Variants in METTL15 observed in about 807,000 individuals in gnomAD.
METTL15 encodes the protein 12S rRNA N(4)-cytidine methyltransferase METTL15.
Under a neutral mutation model 38.3 loss-of-function variants are expected in METTL15, and 34 were observed. The ratio of observed to expected loss-of-function variants is 0.89; its 90% CI spans 0.68 to 1.18. The LOEUF (loss-of-function observed/expected upper bound fraction) is 1.18. Ranked by LOEUF, METTL15 falls within the 50% of genes most tolerant of loss-of-function variation. METTL15 has a pLI of 0.00. For missense variants in METTL15, 438 were observed against 498.4 expected (o/e 0.88, Z 1.15); for synonymous variants, 162 against 170.9 (o/e 0.95, Z 0.41).
At chr11:28,462,093 A>G (rs1851220840) in intron 6 of METTL15, among the ~76,000 whole-genome samples, 1 of 152,126 alleles carries the variant, frequency 6.6e-6, no homozygotes, top group African/African-American at 2.4e-5. Flanking sequence ...TTGTAAGTCA[A>G]AAAGATGTAT....
rs1338571079 is a variant in METTL15 at position 28,287,076 on chromosome 11, C to T, written c.408-3130C>T. On this transcript the variant is annotated intron_variant, in intron 4 of 6. Transcript: ENST00000407364. ...ATATATATGAGTGCATATATATGTA[C>T]ATGCACACACACACACACGTCTCAC... is the stretch of plus-strand genomic sequence containing the variant. Among the ~76,000 whole-genome samples the T allele has an allele frequency of 2.0e-5, 3 of 149,228 alleles. No individual in the cohort carries two copies. In the East Asian group the frequency reaches 6.0e-4, roughly 30 times the overall value.
chr11:28,525,466 C>A (rs536404790), intron 6 of METTL15, among the ~76,000 whole-genome samples: 2 of 151,812 alleles, frequency 1.3e-5, no homozygotes, highest in East Asian at 3.9e-4. Flanking sequence ...GCATTTACAA[C>A]CTTGAGCTAG....
intron 3 of METTL15, among the ~76,000 whole-genome samples, chr11:28,170,738 T>G (rs2133761616): frequency 6.6e-6 from 1 of 152,230 alleles, no homozygotes; most frequent in East Asian, 1.9e-4. Flanking sequence ...CATTATAAAT[T>G]GTGTATAATG....
intron 5 of METTL15, among the ~76,000 whole-genome samples, chr11:28,378,047 T>C (rs1311321995): frequency 1.3e-5 from 2 of 152,122 alleles, no homozygotes; most frequent in Non-Finnish European, 2.9e-5. Flanking sequence ...GGAGAACCAC[T>C]GCTCTCTTCA....
At chr11:28,484,976 C>A (rs1310004308) in intron 6 of METTL15, among the ~76,000 whole-genome samples, 1 of 152,072 alleles carries the variant, frequency 6.6e-6, no homozygotes, top group African/African-American at 2.4e-5. Flanking sequence ...CTCTTCCAGA[C>A]AAATAAAGGG....
chr11:28,349,342 G>C (rs532519326), intron 3 of METTL15, among the ~76,000 whole-genome samples: 3 of 152,172 alleles, frequency 2.0e-5, no homozygotes, highest in African/African-American at 7.2e-5. Context: ...AGCCTCCTCT[G>C]CACAGGTCTG....
intron 4 of METTL15, among the ~76,000 whole-genome samples, chr11:28,223,984 A>G (rs528542430): frequency 1.3e-5 from 2 of 152,234 alleles, no homozygotes; most frequent in Admixed American, 1.3e-4. Context: ...GTATGTATAA[A>G]GAAAATAAAA....
chr11:28,479,834 T>A (rs929873241), intron 6 of METTL15, among the ~76,000 whole-genome samples: 1 of 152,198 alleles, frequency 6.6e-6, no homozygotes, highest in African/African-American at 2.4e-5. Flanking sequence ...TAACATAAAG[T>A]ATGTGCACTA....
intron 4 of METTL15, among the ~76,000 whole-genome samples, chr11:28,250,393 T>C (rs1317626941): frequency 6.6e-6 from 1 of 152,036 alleles, no homozygotes; most frequent in East Asian, 1.9e-4. Flanking sequence ...CTGCTATTTT[T>C]GGACTTTTAA....
chr11:28,420,765 G>T (rs546423622), intron 5 of METTL15, among the ~76,000 whole-genome samples: 1 of 151,854 alleles, frequency 6.6e-6, no homozygotes, highest in African/African-American at 2.4e-5. Flanking sequence ...CATCAAAAAA[G>T]ACGAAAAACT....
intron 6 of METTL15, among the ~76,000 whole-genome samples, chr11:28,514,586 A>G (rs1171163039): frequency 6.6e-6 from 1 of 152,222 alleles, no homozygotes; most frequent in African/African-American, 2.4e-5. Flanking sequence ...TAAGAAATTC[A>G]TCCCCCGCAC....
At chr11:28,518,563 C>G (rs1363535705) in intron 6 of METTL15, among the ~76,000 whole-genome samples, 1 of 152,150 alleles carries the variant, frequency 6.6e-6, no homozygotes, top group Admixed American at 6.5e-5. Flanking sequence ...GCCCTTACAG[C>G]AAGGGTCTTC....
At chr11:28,419,819 T>A (rs182599563) in intron 5 of METTL15, among the ~76,000 whole-genome samples, 8 of 151,988 alleles carry the variant, frequency 5.3e-5, no homozygotes, top group Admixed American at 1.3e-4. Context: ...ACAAAGAAAT[T>A]GAAATAATTA....
At chr11:28,304,791 T>C (rs1313582122) in intron 6 of METTL15, among the ~76,000 whole-genome samples, 1 of 152,196 alleles carries the variant, frequency 6.6e-6, no homozygotes, top group Non-Finnish European at 1.5e-5. Context: ...AACTTATTCC[T>C]GATCAAGATA....
chr11:28,310,117 C>T (rs1005077572), intron 6 of METTL15, among the ~76,000 whole-genome samples: 38 of 152,166 alleles, frequency 2.5e-4, no homozygotes, highest in African/African-American at 8.0e-4. Context: ...ACTCCAGAAG[C>T]AACTAATTGG....
intron 4 of METTL15, among the ~76,000 whole-genome samples, chr11:28,233,660 T>C (rs1853791560): frequency 6.6e-6 from 1 of 152,174 alleles, no homozygotes; most frequent in Middle Eastern, 3.4e-3. Flanking sequence ...CAGTTGTTTC[T>C]CCTGCTTTTA....
intron 3 of METTL15, among the ~76,000 whole-genome samples, chr11:28,192,391 A>G (rs1006997111): frequency 4.7e-5 from 7 of 150,176 alleles, no homozygotes; most frequent in Admixed American, 1.3e-4. Flanking sequence ...CTTGACCACA[A>G]TGTAGTTATT....
chr11:28,391,937 T>C (rs1489900248), intron 5 of METTL15, among the ~76,000 whole-genome samples: 5 of 152,070 alleles, frequency 3.3e-5, no homozygotes, highest in African/African-American at 9.7e-5. Context: ...ACCAAAAGCA[T>C]GGCAACAAAA....
chr11:28,472,370 T>C (rs1460222931), intron 6 of METTL15, among the ~76,000 whole-genome samples: 1 of 152,148 alleles, frequency 6.6e-6, no homozygotes, highest in Non-Finnish European at 1.5e-5. Flanking sequence ...CATGAATCCC[T>C]ATCTTTTAGG....
Sources: allele counts gnomAD v4.1 joint callset (sites outside exome capture counted in the v4.1 genomes callset), GRCh38; gene constraint gnomAD v4.1.1; transcripts MANE v1.5; gene names NCBI Gene and HGNC (gene_info 2026-07-23, HGNC 2026-07-21).